RNF123: variants seen among roughly 807,000 people sequenced by gnomAD.
RNF123 encodes the protein E3 ubiquitin-protein ligase RNF123.
RNF123 carries 86 observed loss-of-function variants against 168.5 expected under a neutral mutation model. The ratio of observed to expected loss-of-function variants is 0.51; its 90% CI spans 0.43 to 0.61. RNF123 has a LOEUF of 0.61. Among genes scored for constraint, RNF123 ranks in the 20% least tolerant of loss-of-function variants. The pLI is 0.00. For missense variants in RNF123, 1,419 were observed against 1,729.7 expected (o/e 0.82, Z 3.19); for synonymous variants, 666 against 689.1 (o/e 0.97, Z 0.52).
intron 3 of RNF123, 21 bp from the exon 4 acceptor site, chr3:49,697,122 G>A (rs1206067993): frequency 1.2e-6 from 2 of 1,605,986 alleles, no homozygotes; most frequent in Admixed American, 3.3e-5. Context: ...TGGACCCCTG[G>A]CAGCCTCTCA....
At chr3:49,697,074 A>G (rs765416964) in intron 3 of RNF123, 69 bp from the exon 4 acceptor site, 3 of 1,317,560 alleles carry the variant, frequency 2.3e-6, no homozygotes, top group South Asian at 2.4e-5. Context: ...AGGGGAAAGG[A>G]TGGGATTTAG....
Position 49,700,456 on chromosome 3 carries a change from G to A in RNF123, c.1111-16G>A, listed in dbSNP as rs371035008. The A allele has an allele frequency of 4.3e-5, 70 of 1,613,220 alleles. No homozygotes were observed. Among genetic ancestry groups the A allele is most frequent in the Non-Finnish European group, 5.6e-5 (66 of 1,179,340 alleles). On this transcript the variant is annotated splice_polypyrimidine_tract_variant and intron_variant, in intron 13 of 38. Coordinates refer to ENST00000327697, the MANE Select transcript of RNF123 (RefSeq NM_022064.5). ...AAAGGCCCCAGTCATGGCTGCCTTG[G>A]CATCTCTTCCCCCAGGACTACGAGG...
intron 35 of RNF123, chr3:49,719,667 G>C: frequency 5.3e-6 from 3 of 570,644 alleles, no homozygotes; most frequent in Non-Finnish European, 9.5e-6. Context: ...CGCTCCCTTC[G>C]GCTTCGCTAG....
At chr3:49,709,845 T>C (rs1282148457) in intron 26 of RNF123, among the ~76,000 whole-genome samples, 1 of 152,120 alleles carries the variant, frequency 6.6e-6, no homozygotes, top group East Asian at 1.9e-4. Flanking sequence ...AGTGCTGGGA[T>C]TGCAGGCATG....
intron 2 of RNF123, 22 bp from the exon 3 acceptor site, chr3:49,691,403 T>C (rs1433948128): frequency 6.2e-7 from 1 of 1,613,694 alleles, no homozygotes; most frequent in South Asian, 1.1e-5. Context: ...GGCCCTTTTC[T>C]CCCTTCTGAC....
intron 26 of RNF123, among the ~76,000 whole-genome samples, chr3:49,709,783 G>A (rs1037321705): frequency 6.6e-6 from 1 of 151,392 alleles, no homozygotes; most frequent in Non-Finnish European, 1.5e-5. Flanking sequence ...GTGTTGGTCA[G>A]GCTGGTCTTG....
At chr3:49,696,466 C>T (rs1435907086) in intron 3 of RNF123, among the ~76,000 whole-genome samples, 5 of 151,476 alleles carry the variant, frequency 3.3e-5, no homozygotes, top group Admixed American at 3.3e-4. Flanking sequence ...CTCCTGCCTC[C>T]GCCTCCCAAG....
chr3:49,698,337 GTTCCC>G, intron 7 of RNF123, 98 bp from the exon 8 acceptor site: 1 of 1,055,892 alleles, frequency 9.5e-7, no homozygotes, highest in South Asian at 1.3e-5. Context: ...CAGATCATCT[GTTCCC>G]TTCTGTAGAG....
chr3:49,718,776 CAGGTGGTAG>C (rs764676831), intron 35 of RNF123: 15 of 1,613,192 alleles, frequency 9.3e-6, no homozygotes, highest in African/African-American at 1.3e-5. Context: ...AGCGCTGTAG[CAGGTGGTAG>C]AGGCGGCAGT....
chr3:49,693,005 T>A (rs1338651028), intron 3 of RNF123, among the ~76,000 whole-genome samples: 1 of 152,194 alleles, frequency 6.6e-6, no homozygotes, highest in African/African-American at 2.4e-5. Flanking sequence ...GTGGGGTTGC[T>A]GGATCATATG....
chr3:49,716,625 G>A, intron 35 of RNF123, 148 bp downstream of exon 35: 1 of 719,446 alleles, frequency 1.4e-6, no homozygotes, highest in Non-Finnish European at 2.4e-6. Flanking sequence ...GGTGAGGTGT[G>A]AACGGCCTAA....
chr3:49,709,514 A>C (rs1324040209), intron 26 of RNF123, among the ~76,000 whole-genome samples: 1 of 151,866 alleles, frequency 6.6e-6, no homozygotes, highest in East Asian at 1.9e-4. Context: ...GTTAGCCAGG[A>C]TGGTCTCGAT....
At position 49,699,773 on chromosome 3, in the gene RNF123, G is replaced by T. The variant is rs1162387218; in HGVS notation, c.984+1G>T. Reference sequence around the variant, plus strand: ...CTTCCATCACTTTGCACCGCTTCTGGTGAGCGGCATTGGGAGGGGCATGGG... The same window carrying T: ...CTTCCATCACTTTGCACCGCTTCTGTTGAGCGGCATTGGGAGGGGCATGGG... On this transcript the variant is annotated splice_donor_variant, in intron 12 of 38. Coordinates refer to ENST00000327697, the MANE Select transcript of RNF123 (RefSeq NM_022064.5). LOFTEE classifies it high-confidence loss of function. The surrounding 1 kb of genome is among the most constrained non-coding windows in gnomAD (Gnocchi z 4.8). 1 of 1,613,006 alleles carries T rather than the reference G, an allele frequency of 6.2e-7. No homozygotes were observed. The highest frequency in any genetic ancestry group is 8.5e-7 in the Non-Finnish European group (1 of 1,179,894).
chr3:49,711,566 T>G (rs1001232497), intron 26 of RNF123, among the ~76,000 whole-genome samples: 2 of 152,244 alleles, frequency 1.3e-5, no homozygotes, highest in South Asian at 4.1e-4. Context: ...GCCTAGGCCC[T>G]CCCCTAACCT....
In RNF123 at chr3:49,720,900, TG is replaced by T; in HGVS notation, c.3738+9del. 6.2e-7 allele frequency: 1 copy of T among 1,613,932 alleles called. No individual in the cohort carries two copies. The highest frequency in any genetic ancestry group is 8.5e-7 in the Non-Finnish European group (1 of 1,179,956). ...AGGCAGCAGCTGCCTCCCTGGTGAG[TG>T]GGAACACGGTGCACAGGTCCATGCC... On this transcript the variant is annotated splice_region_variant and intron_variant, in intron 37 of 38. Coordinates refer to ENST00000327697, the MANE Select transcript of RNF123 (RefSeq NM_022064.5).
Position 49,721,165 on chromosome 3 carries a change from C to T in RNF123, c.3825-20C>T. On this transcript the variant is annotated intron_variant, in intron 38 of 38. Coordinates refer to ENST00000327697, the MANE Select transcript of RNF123 (RefSeq NM_022064.5). ...CAGTAGGTACATGCAGGGCAGTCCT[C>T]ATCCCCTCCCCTGTTGTAGAGCCTG... 2 of 1,614,156 alleles carry T rather than the reference C, an allele frequency of 1.2e-6. No homozygotes were observed. Among genetic ancestry groups the T allele is most frequent in the Non-Finnish European group, 8.5e-7 (1 of 1,180,000 alleles).
At position 49,702,630 on chromosome 3, in the gene RNF123, C is replaced by T; in HGVS notation, c.1630-3C>T. Reference sequence around the variant, plus strand: ...ATGCATGTTTCATGCCTGGTGTCCACAGAACATGCCCATGCTCTGCCCCCC... The same window carrying T: ...ATGCATGTTTCATGCCTGGTGTCCATAGAACATGCCCATGCTCTGCCCCCC... On this transcript the variant is annotated splice_polypyrimidine_tract_variant and splice_region_variant and intron_variant, in intron 19 of 38. Transcript: ENST00000327697. 1 of 1,614,250 alleles carries T rather than the reference C, an allele frequency of 6.2e-7. No homozygotes were observed. Among genetic ancestry groups the T allele is most frequent in the Non-Finnish European group, 8.5e-7 (1 of 1,180,036 alleles).
chr3:49,717,622 G>A (rs2108202577), intron 35 of RNF123: 1 of 427,238 alleles, frequency 2.3e-6, no homozygotes, highest in African/African-American at 2.0e-5. Flanking sequence ...CCACAGCTGT[G>A]CTGTGTTGAA....
intron 20 of RNF123, among the ~76,000 whole-genome samples, chr3:49,703,149 T>C (rs1255859014): frequency 6.6e-6 from 1 of 152,188 alleles, no homozygotes; most frequent in Non-Finnish European, 1.5e-5. Flanking sequence ...GGACTGGGGC[T>C]GGGCCTCTCT....
Sources: allele counts gnomAD v4.1 joint callset (sites outside exome capture counted in the v4.1 genomes callset), GRCh38; gene constraint gnomAD v4.1.1; non-coding constraint Gnocchi (gnomAD v3.1); transcripts MANE v1.5; gene names NCBI Gene and HGNC (gene_info 2026-07-23, HGNC 2026-07-21).